The following PURA variants were observed in gnomAD, a reference collection of about 807,000 sequenced individuals.
PURA encodes the protein purine rich element binding protein A, also known as transcriptional activator protein Pur-alpha.
Under a neutral mutation model 23.1 loss-of-function variants are expected in PURA, and 2 were observed. The observed-to-expected ratio is 0.09, with a 90% confidence interval of 0.04 to 0.27. The LOEUF (loss-of-function observed/expected upper bound fraction) is 0.27. Ranked by LOEUF, PURA falls within the 10% of genes least tolerant of loss-of-function variation. The probability of loss-of-function intolerance (pLI) is 1.00; values close to 1 mark genes in which losing one functional copy is unlikely to be tolerated. For missense variants in PURA, 187 were observed against 449.7 expected (o/e 0.42, Z 5.28); for synonymous variants, 254 against 205.9 (o/e 1.23, Z -2.00).
rs1048426133 is a variant in PURA, at chr5:140,119,649, A to C, written c.*4499A>C. 6.0e-6 allele frequency: 1 copy of C among 166,766 alleles called. No individual in the cohort carries two copies. The highest frequency in any genetic ancestry group is 1.5e-5 in the Non-Finnish European group (1 of 67,950). 10.3% of individuals were successfully genotyped at this position (166,766 alleles called of 1,614,324 possible). A position where few individuals can be genotyped will look rare whatever the true frequency, so the allele number is the denominator to read the frequency against. The stretch of plus-strand genomic sequence containing the variant: ...CTTTTTTCTTCCTATTTTCTTATGT[A>C]ACTTGACGTTTGGGGGGATTATCTC... On this transcript the variant is annotated 3_prime_UTR_variant, in exon 1 of 1. Coordinates refer to ENST00000331327, the MANE Select transcript of PURA (RefSeq NM_005859.5).
chr5:140,121,303 T>C lies in PURA; in HGVS notation c.*6153T>C, dbSNP rs778295414. The stretch of plus-strand genomic sequence containing the variant: ...GATCCTAGGAGGATTTAAGAAAATA[T>C]GTCCTTATCGTGAAGTGGCAGTTAA... On this transcript the variant is annotated 3_prime_UTR_variant, in exon 1 of 1. Transcript: ENST00000331327. 1.9e-4 allele frequency: 31 copies of C among 166,950 alleles called. No individual in the cohort carries two copies. Among genetic ancestry groups the C allele is most frequent in the Admixed American group, 3.3e-4 (5 of 15,256 alleles). 10.3% of individuals were successfully genotyped at this position (166,950 alleles called of 1,614,324 possible).
rs1165352100 is a variant in PURA at position 140,116,785 on chromosome 5, A to G, written c.*1635A>G. ...ATAAAAAAGATGCCTTAAACAGTAC[A>G]TTTTGGTTTGGAATTCTGTAGAAAG... On this transcript the variant is annotated 3_prime_UTR_variant, in exon 1 of 1. Coordinates refer to ENST00000331327, the MANE Select transcript of PURA (RefSeq NM_005859.5). The G allele has an allele frequency of 6.1e-6, 1 of 163,222 alleles. No individual in the cohort carries two copies. Among genetic ancestry groups the G allele is most frequent in the Non-Finnish European group, 1.5e-5 (1 of 67,752 alleles). The allele number at this position is 163,222 out of a possible 1,614,324, so 10.1% of individuals were successfully genotyped here.
At position 140,115,189 on chromosome 5, in the gene PURA, ACACACACACACACAGC is replaced by A; in HGVS notation, c.*50_*65del. On this transcript the variant is annotated 3_prime_UTR_variant, in exon 1 of 1. Transcript: ENST00000331327. This position sits in a 1 kb window ranked among gnomAD's most constrained non-coding sequence, Gnocchi z 4.1. ...AACCCCCACACACACACACATGCATACACACACACACACAGCCACACACACAGAAAATATACTGTAA... is the reference window on the plus strand; with the variant it reads ...AACCCCCACACACACACACATGCATACACACACACAGAAAATATACTGTAA... 1.1e-6 allele frequency: 1 copy of A among 871,194 alleles called. No individual in the cohort carries two copies. 54.0% of individuals were successfully genotyped at this position (871,194 alleles called of 1,614,324 possible).
chr5:140,115,840 T>G lies in PURA; in HGVS notation c.*690T>G, dbSNP rs1208457679. On this transcript the variant is annotated 3_prime_UTR_variant, in exon 1 of 1. Coordinates refer to ENST00000331327, the MANE Select transcript of PURA (RefSeq NM_005859.5). The surrounding 1 kb of genome is among the most constrained non-coding windows in gnomAD (Gnocchi z 4.1). Reference sequence around the variant, plus strand: ...TTTGTAGAGTTAAAGGTACGTAGGTTTAATTCATGCAAGGTAAACAATAAG... The same window carrying G: ...TTTGTAGAGTTAAAGGTACGTAGGTGTAATTCATGCAAGGTAAACAATAAG... The G allele has an allele frequency of 6.0e-6, 1 of 167,044 alleles. No individual in the cohort carries two copies. Among genetic ancestry groups the G allele is most frequent in the Non-Finnish European group, 1.5e-5 (1 of 68,120 alleles). The allele number at this position is 167,044 out of a possible 1,614,324, so 10.3% of individuals were successfully genotyped here.
chr5:140,120,139 T>TCTC lies in PURA; in HGVS notation c.*4991_*4992insCCT, dbSNP rs1763133627. 6.0e-6 allele frequency: 1 copy of TCTC among 166,852 alleles called. No homozygotes were observed. The highest frequency in any genetic ancestry group is 1.5e-5 in the Non-Finnish European group (1 of 67,952). 10.3% of individuals were successfully genotyped at this position (166,852 alleles called of 1,614,324 possible). A position where few individuals can be genotyped will look rare whatever the true frequency, so the allele number is the denominator to read the frequency against. ...TAGGTTTGGAATAGTTGGTGATGAC[T>TCTC]CTGAGTATAACATTTATAGTTTATT... On this transcript the variant is annotated 3_prime_UTR_variant, in exon 1 of 1. Transcript: ENST00000331327.
At position 140,122,133 on chromosome 5, in the gene PURA, T is replaced by C. The variant is rs181190227; in HGVS notation, c.*6983T>C. 6.0e-5 allele frequency: 10 copies of C among 167,012 alleles called. No homozygotes were observed. Among genetic ancestry groups the C allele is most frequent in the African/African-American group, 2.4e-4 (10 of 41,570 alleles). 10.3% of individuals were successfully genotyped at this position (167,012 alleles called of 1,614,324 possible). A position where few individuals can be genotyped will look rare whatever the true frequency, so the allele number is the denominator to read the frequency against. On this transcript the variant is annotated 3_prime_UTR_variant, in exon 1 of 1. Transcript: ENST00000331327. Reference sequence around the variant, plus strand: ...CATGCATTATACAAGTCTGTTTTCATGTATAGGATGTCTGCTTTTCTGGGA... The same window carrying C: ...CATGCATTATACAAGTCTGTTTTCACGTATAGGATGTCTGCTTTTCTGGGA...
In PURA at chr5:140,114,229, T is replaced by G. The variant is rs1763035383; in HGVS notation, c.48T>G (p.Gly16=). 9.1e-7 allele frequency: 1 copy of G among 1,097,606 alleles called. No individual in the cohort carries two copies. Among genetic ancestry groups the G allele is most frequent in the Non-Finnish European group, 1.1e-6 (1 of 883,406 alleles). The allele number at this position is 1,097,606 out of a possible 1,614,324, so 68.0% of individuals were successfully genotyped here. Residue 16 remains glycine, a synonymous_variant, in exon 1 of 1, where the codon GGT becomes GGG. Coordinates refer to ENST00000331327, the MANE Select transcript of PURA (RefSeq NM_005859.5). ...GCGAGCAGGGTGGTGCGGCGCTGGG[T>G]TCGGGCGGCTCCCTGGGGCACCCCG... The part of the protein sequence containing the change: ...SGSEQGGAAL[G]SGGSLGHPGS...
At position 140,118,945 on chromosome 5, in the gene PURA, T is replaced by C. The variant is rs190846426; in HGVS notation, c.*3795T>C. 6.0e-6 allele frequency: 1 copy of C among 167,118 alleles called. No individual in the cohort carries two copies. The highest frequency in any genetic ancestry group is 2.4e-5 in the African/African-American group (1 of 41,566). 10.4% of individuals were successfully genotyped at this position (167,118 alleles called of 1,614,324 possible). A position where few individuals can be genotyped will look rare whatever the true frequency, so the allele number is the denominator to read the frequency against. ...TACTTCATTTGGGAGCAAATACTTA[T>C]TGCCTTGAAAAGTAGCACTGTAATA... is the stretch of plus-strand genomic sequence containing the variant. On this transcript the variant is annotated 3_prime_UTR_variant, in exon 1 of 1. Coordinates refer to ENST00000331327, the MANE Select transcript of PURA (RefSeq NM_005859.5).
rs1581039287 is a variant in PURA at position 140,123,163 on chromosome 5, AG to A, written c.*8014del. On this transcript the variant is annotated 3_prime_UTR_variant, in exon 1 of 1. Transcript: ENST00000331327. ...CTATAACTCATTTAAGTCAATGCAA[AG>A]CCTTCTTAAATAGCCCCTCCCTTAG... The A allele has an allele frequency of 6.0e-6, 1 of 166,928 alleles. No homozygotes were observed. Among genetic ancestry groups the A allele is most frequent in the Non-Finnish European group, 1.5e-5 (1 of 68,030 alleles). The allele number at this position is 166,928 out of a possible 1,614,324, so 10.3% of individuals were successfully genotyped here.
Position 140,120,032 on chromosome 5 carries a change from C to T in PURA, c.*4882C>T, listed in dbSNP as rs1389614701. ...ATACCAAGTCTAATGACTTTTTTCC[C>T]TTTTTAAAATCTTTTGAGTATCAGA... is the stretch of plus-strand genomic sequence containing the variant. On this transcript the variant is annotated 3_prime_UTR_variant, in exon 1 of 1. Transcript: ENST00000331327. 6.0e-6 allele frequency: 1 copy of T among 166,642 alleles called. No individual in the cohort carries two copies. The highest frequency in any genetic ancestry group is 1.9e-4 in the East Asian group (1 of 5,188). The allele number at this position is 166,642 out of a possible 1,614,324, so 10.3% of individuals were successfully genotyped here.
chr5:140,123,558 A>G lies in PURA; in HGVS notation c.*8408A>G, dbSNP rs1184805903. On this transcript the variant is annotated 3_prime_UTR_variant, in exon 1 of 1. Transcript: ENST00000331327. Reference sequence around the variant, plus strand: ...AATTATATGCAATTAAAAATATTTTATAAGGCCAAGAAAATATTTCTTAAT... The same window carrying G: ...AATTATATGCAATTAAAAATATTTTGTAAGGCCAAGAAAATATTTCTTAAT... The G allele has an allele frequency of 1.2e-5, 2 of 166,506 alleles. No homozygotes were observed. Among genetic ancestry groups the G allele is most frequent in the South Asian group, 2.1e-4 (1 of 4,830 alleles). The allele number at this position is 166,506 out of a possible 1,614,324, so 10.3% of individuals were successfully genotyped here.
rs1264848698 is a variant in PURA at position 140,125,616 on chromosome 5, A to G, written c.*10466A>G. On this transcript the variant is annotated 3_prime_UTR_variant, in exon 1 of 1. Transcript: ENST00000331327. ...GGGAAACAAGATGTCACTAGGGAAA[A>G]AAAGATTTGCCTTACAACTTTGCTG... The G allele has an allele frequency of 6.0e-6, 1 of 167,024 alleles. No individual in the cohort carries two copies. Among genetic ancestry groups the G allele is most frequent in the Non-Finnish European group, 1.5e-5 (1 of 68,104 alleles). The allele number at this position is 167,024 out of a possible 1,614,324, so 10.3% of individuals were successfully genotyped here.
Position 140,114,546 on chromosome 5 carries a change from C to T in PURA, c.365C>T (p.Ala122Val), listed in dbSNP as rs1763045282. The T allele has an allele frequency of 6.2e-7, 1 of 1,602,686 alleles. No individual in the cohort carries two copies. The highest frequency in any genetic ancestry group is 1.3e-5 in the African/African-American group (1 of 74,806). ...DYLGDFIEHY[A>V]QLGPSQPPDL... ...CTGGGCGACTTCATCGAGCACTACG[C>T]GCAGCTGGGCCCCAGCCAGCCGCCG... is the stretch of plus-strand genomic sequence containing the variant. The change falls in exon 1 of 1, where the codon GCG becomes GTG. Residue 122 changes from alanine to valine, a missense_variant. This residue lies in a region of PURA where 24 missense variants were observed against 75.2 expected (regional missense o/e 0.32). Coordinates refer to ENST00000331327, the MANE Select transcript of PURA (RefSeq NM_005859.5).
At position 140,115,156 on chromosome 5, in the gene PURA, C is replaced by A; in HGVS notation, c.*6C>A. 1.3e-6 allele frequency: 2 copies of A among 1,497,424 alleles called. No homozygotes were observed. Among genetic ancestry groups the A allele is most frequent in the South Asian group, 2.6e-5 (2 of 76,210 alleles). 92.8% of individuals were successfully genotyped at this position (1,497,424 alleles called of 1,614,324 possible). On this transcript the variant is annotated 3_prime_UTR_variant, in exon 1 of 1. Transcript: ENST00000331327. This position sits in a 1 kb window ranked among gnomAD's most constrained non-coding sequence, Gnocchi z 4.1. ...AAGAAGGGGAAGAAGATTGATCAAA[C>A]TGAATGAAACCCCCACACACACACA...
At position 140,114,159 on chromosome 5, in the gene PURA, G is replaced by T; in HGVS notation, c.-23G>T. On this transcript the variant is annotated 5_prime_UTR_variant, in exon 1 of 1. Transcript: ENST00000331327. ...GCGGGCGGAGCGGCAGGCGGCGGCG[G>T]CGCGGCAGCGGAGCGCAGCATCATG... is the stretch of plus-strand genomic sequence containing the variant. 1 of 613,528 alleles carries T rather than the reference G, an allele frequency of 1.6e-6. No homozygotes were observed. Among genetic ancestry groups the T allele is most frequent in the Admixed American group, 4.7e-5 (1 of 21,146 alleles). 38.0% of individuals were successfully genotyped at this position (613,528 alleles called of 1,614,324 possible).
Position 140,117,888 on chromosome 5 carries a change from C to CT in PURA, c.*2739dup. The CT allele has an allele frequency of 6.0e-6, 1 of 167,022 alleles. No individual in the cohort carries two copies. 10.3% of individuals were successfully genotyped at this position (167,022 alleles called of 1,614,324 possible). ...ACTTAAAAAGTGATCATAGAAAAGA[C>CT]TAAGTGACTGTAAAGATGCTCTTTT... is the stretch of plus-strand genomic sequence containing the variant. On this transcript the variant is annotated 3_prime_UTR_variant, in exon 1 of 1. Coordinates refer to ENST00000331327, the MANE Select transcript of PURA (RefSeq NM_005859.5).
chr5:140,123,811 CAGTG>C lies in PURA; in HGVS notation c.*8664_*8667del, dbSNP rs1227812007. The C allele has an allele frequency of 1.8e-5, 3 of 167,082 alleles. No homozygotes were observed. The highest frequency in any genetic ancestry group is 4.4e-5 in the Non-Finnish European group (3 of 68,082). 10.3% of individuals were successfully genotyped at this position (167,082 alleles called of 1,614,324 possible). ...GTGTGTTAGTTTGTTTCACTGAAGTCAGTGAGATAGGAGTCTAGCTGGGTACATG... is the reference window on the plus strand; with the variant it reads ...GTGTGTTAGTTTGTTTCACTGAAGTCAGATAGGAGTCTAGCTGGGTACATG... On this transcript the variant is annotated 3_prime_UTR_variant, in exon 1 of 1. Transcript: ENST00000331327.
In PURA at chr5:140,115,240, G is replaced by T; in HGVS notation, c.*90G>T. On this transcript the variant is annotated 3_prime_UTR_variant, in exon 1 of 1. Coordinates refer to ENST00000331327, the MANE Select transcript of PURA (RefSeq NM_005859.5). The surrounding 1 kb of genome is among the most constrained non-coding windows in gnomAD (Gnocchi z 4.1). ...AGAAAATATACTGTAAAGAAAGAGA[G>T]AAAATAAAAAGTTAAAAAGTTAAAA... 5.9e-6 allele frequency: 4 copies of T among 683,576 alleles called. No homozygotes were observed. The highest frequency in any genetic ancestry group is 8.4e-6 in the Non-Finnish European group (4 of 475,930). The allele number at this position is 683,576 out of a possible 1,614,324, so 42.3% of individuals were successfully genotyped here.
At position 140,114,220 on chromosome 5, in the gene PURA, G is replaced by A; in HGVS notation, c.39G>A (p.Ala13=). ...ACAGCGGCAGCGAGCAGGGTGGTGC[G>A]GCGCTGGGTTCGGGCGGCTCCCTGG... is the stretch of plus-strand genomic sequence containing the variant. ...DRDSGSEQGG[A]ALGSGGSLGH... The change falls in exon 1 of 1, where the codon GCG becomes GCA. Residue 13 remains alanine, a synonymous_variant. Coordinates refer to ENST00000331327, the MANE Select transcript of PURA (RefSeq NM_005859.5). The A allele has an allele frequency of 2.9e-6, 3 of 1,033,248 alleles. No individual in the cohort carries two copies. The highest frequency in any genetic ancestry group is 3.7e-6 in the Non-Finnish European group (3 of 818,706). 64.0% of individuals were successfully genotyped at this position (1,033,248 alleles called of 1,614,324 possible).
Sources: gnomAD v4.1 joint callset for allele counts on GRCh38, gnomAD v4.1.1 for gene constraint, gnomAD v4.1.1 regional missense constraint, Gnocchi (gnomAD v3.1) non-coding constraint, MANE v1.5 for transcripts, NCBI Gene and HGNC (gene_info 2026-07-23, HGNC 2026-07-21) for gene names.